Variants in RPRD1B observed in about 807,000 individuals in gnomAD.
The protein encoded by RPRD1B is regulation of nuclear pre-mRNA domain-containing protein 1B.
Under a neutral mutation model 41.5 loss-of-function variants are expected in RPRD1B, and 11 were observed. The observed-to-expected ratio is 0.27, with a 90% CI of 0.17 to 0.44. The LOEUF is 0.44. Ranked by LOEUF, RPRD1B falls within the 20% of genes least tolerant of loss-of-function variation. RPRD1B has a pLI of 1.00. For synonymous variants in RPRD1B, 158 were observed against 155.6 expected, an observed-to-expected ratio of 1.02 and a Z score of -0.12; for missense variants, 248 against 389.9, an observed-to-expected ratio of 0.64 and a Z score of 3.06.
intron 2 of RPRD1B, among the ~76,000 whole-genome samples, chr20:38,046,167 C>G (rs1484207543): frequency 6.6e-6 from 1 of 152,054 alleles, no homozygotes; most frequent in Non-Finnish European, 1.5e-5. Flanking sequence ...TGCTGGAATG[C>G]AAAGTTCCAG....
intron 5 of RPRD1B, among the ~76,000 whole-genome samples, chr20:38,061,678 G>C (rs2074298890): frequency 6.6e-6 from 1 of 152,106 alleles, no homozygotes; most frequent in African/African-American, 2.4e-5. Flanking sequence ...TGAATGGATT[G>C]CCTGTGCTGT....
intron 6 of RPRD1B, among the ~76,000 whole-genome samples, chr20:38,075,370 TCTTCTGGCTTTTAA>T (rs1321500434): frequency 6.6e-6 from 1 of 152,252 alleles, no homozygotes; most frequent in East Asian, 1.9e-4. Flanking sequence ...AATGGAGCTC[TCTTCTGGCTTTTAA>T]ATGATCTTGT....
chr20:38,078,132 C>T (rs2074481417), intron 6 of RPRD1B, among the ~76,000 whole-genome samples: 1 of 150,928 alleles, frequency 6.6e-6, no homozygotes, highest in South Asian at 2.1e-4. Flanking sequence ...CGTGCCACTG[C>T]ACTTCAGCCT....
At chr20:38,041,483 A>G (rs2074065595) in intron 2 of RPRD1B, among the ~76,000 whole-genome samples, 1 of 152,244 alleles carries the variant, frequency 6.6e-6, no homozygotes, top group Non-Finnish European at 1.5e-5. Flanking sequence ...GAGATGAAAA[A>G]GATGGTTTTT....
intron 6 of RPRD1B, among the ~76,000 whole-genome samples, chr20:38,076,662 C>T (rs1346295302): frequency 6.6e-6 from 1 of 151,560 alleles, no homozygotes; most frequent in Non-Finnish European, 1.5e-5. Flanking sequence ...CTTCCCCCCA[C>T]CCCTGCCCCC....
In RPRD1B at chr20:38,061,406, T is replaced by G. The variant is rs139643657; in HGVS notation, c.655+1886T>G. ...AAACTAACATGTCTGAGTTGACTTT[T>G]CCTCCTATTTCTCTACATGGACATG... On this transcript the variant is annotated intron_variant, in intron 5 of 6. Coordinates refer to ENST00000373433, the MANE Select transcript of RPRD1B (RefSeq NM_021215.4). 8.4e-3 allele frequency among the ~76,000 whole-genome samples: 1,272 copies of G among 152,296 alleles called. 10 individuals carry two copies. Among genetic ancestry groups the G allele is most frequent in the African/African-American group, 0.025 (1,044 of 41,570 alleles).
chr20:38,038,373 G>T (rs1419661289), intron 1 of RPRD1B, among the ~76,000 whole-genome samples: 1 of 149,894 alleles, frequency 6.7e-6, no homozygotes, highest in African/African-American at 2.5e-5. Flanking sequence ...CAGTTGGCGC[G>T]ATCTCGGCTC....
At chr20:38,052,589 T>C (rs1568648708) in intron 3 of RPRD1B, among the ~76,000 whole-genome samples, 1 of 152,148 alleles carries the variant, frequency 6.6e-6, no homozygotes. Context: ...TATTTCCTGA[T>C]CCTTTTCTCA....
rs377423069 is a variant in RPRD1B, at chr20:38,063,491, C to T, written c.656-2590C>T. Among the ~76,000 whole-genome samples, 5 of 152,096 alleles carry T rather than the reference C, an allele frequency of 3.3e-5. No individual in the cohort carries two copies. The East Asian group carries it at 5.8e-4, about 18-fold the overall frequency. ...GCAGAGGATTGGTGGGCATAAAGCCCGATTGGGGTGGGCTCAGGAGGAGAG... is the reference window on the plus strand; with the variant it reads ...GCAGAGGATTGGTGGGCATAAAGCCTGATTGGGGTGGGCTCAGGAGGAGAG... On this transcript the variant is annotated intron_variant, in intron 5 of 6. Transcript: ENST00000373433.
chr20:38,087,577 G>T (rs960135311), intron 6 of RPRD1B, among the ~76,000 whole-genome samples: 6 of 152,178 alleles, frequency 3.9e-5, no homozygotes, highest in Non-Finnish European at 8.8e-5. Context: ...TCCGTGTTCT[G>T]TAGTTGTTTT....
intron 6 of RPRD1B, among the ~76,000 whole-genome samples, chr20:38,078,450 TC>T (rs2074484816): frequency 6.6e-6 from 1 of 152,206 alleles, no homozygotes; most frequent in Non-Finnish European, 1.5e-5. Flanking sequence ...GGGCAGTCTT[TC>T]CTCAGACCCC....
At position 38,091,758 on chromosome 20, in the gene RPRD1B, G is replaced by A. The variant is rs2074613992; in HGVS notation, c.*1883G>A. 19 of 985,742 alleles carry A rather than the reference G, an allele frequency of 1.9e-5. No individual in the cohort carries two copies. The highest frequency in any genetic ancestry group is 2.0e-5 in the Non-Finnish European group (17 of 829,918). 61.1% of individuals were successfully genotyped at this position (985,742 alleles called of 1,614,324 possible). ...GCCACAATCCAGCCAAAAGAGGATC[G>A]TAGATATTTGCTCTGATCAACTAGA... On this transcript the variant is annotated 3_prime_UTR_variant, in exon 7 of 7. Coordinates refer to ENST00000373433, the MANE Select transcript of RPRD1B (RefSeq NM_021215.4).
rs1160954194 is a variant in RPRD1B, at chr20:38,091,424, G to T, written c.*1549G>T. On this transcript the variant is annotated 3_prime_UTR_variant, in exon 7 of 7. Transcript: ENST00000373433. ...AATGAAAAGTCATAGCAGATACTCA[G>T]TTTAACTCTGTGTAGAACCTAGTAG... 1 of 985,402 alleles carries T rather than the reference G, an allele frequency of 1.0e-6. No individual in the cohort carries two copies. Among genetic ancestry groups the T allele is most frequent in the Non-Finnish European group, 1.2e-6 (1 of 829,924 alleles). 61.0% of individuals were successfully genotyped at this position (985,402 alleles called of 1,614,324 possible).
chr20:38,049,912 C>T, intron 3 of RPRD1B: 5 of 461,742 alleles, frequency 1.1e-5, no homozygotes, highest in Non-Finnish European at 1.8e-5. Context: ...TTTGGCCAAA[C>T]TGAATTGCCG....
chr20:38,033,891 C>T lies in RPRD1B; in HGVS notation c.-57C>T. 1 of 1,517,088 alleles carries T rather than the reference C, an allele frequency of 6.6e-7. No individual in the cohort carries two copies. Among genetic ancestry groups the T allele is most frequent in the Non-Finnish European group, 8.8e-7 (1 of 1,131,590 alleles). 94.0% of individuals were successfully genotyped at this position (1,517,088 alleles called of 1,614,324 possible). A position where few individuals can be genotyped will look rare whatever the true frequency, so the allele number is the denominator to read the frequency against. On this transcript the variant is annotated 5_prime_UTR_variant, in exon 1 of 7. Coordinates refer to ENST00000373433, the MANE Select transcript of RPRD1B (RefSeq NM_021215.4). The stretch of plus-strand genomic sequence containing the variant: ...GAGGCCCCGGCCTCGTGCCGTCGCT[C>T]TTCCCGCCGCACTGGGCGGCCCAGG...
intron 2 of RPRD1B, among the ~76,000 whole-genome samples, chr20:38,047,052 A>C (rs1158483594): frequency 6.6e-6 from 1 of 152,198 alleles, no homozygotes; most frequent in Non-Finnish European, 1.5e-5. Context: ...GGCCAGATTG[A>C]TAGCAGAGGA....
chr20:38,058,906 G>T (rs893706508), intron 4 of RPRD1B, among the ~76,000 whole-genome samples: 1 of 152,038 alleles, frequency 6.6e-6, no homozygotes, highest in Non-Finnish European at 1.5e-5. Context: ...TAGAGACAGG[G>T]TGTCGCTATA....
intron 3 of RPRD1B, among the ~76,000 whole-genome samples, chr20:38,050,452 C>T (rs1241619512): frequency 6.6e-6 from 1 of 152,182 alleles, no homozygotes; most frequent in Non-Finnish European, 1.5e-5. Context: ...TGGGGAATTA[C>T]TCAGCATTCT....
chr20:38,065,118 T>G (rs535422480), intron 5 of RPRD1B, among the ~76,000 whole-genome samples: 38 of 152,318 alleles, frequency 2.5e-4, no homozygotes, highest in African/African-American at 8.7e-4. Context: ...TCAGAAACAT[T>G]TAAAAACCTC....
Sources: allele counts gnomAD v4.1 joint callset (sites outside exome capture counted in the v4.1 genomes callset), GRCh38; gene constraint gnomAD v4.1.1; transcripts MANE v1.5; gene names NCBI Gene and HGNC (gene_info 2026-07-23, HGNC 2026-07-21).